The following IGLL5 variants were observed in gnomAD, a reference collection of about 807,000 sequenced individuals.
IGLL5 encodes immunoglobulin lambda like polypeptide 5.
IGLL5 carries 30 observed loss-of-function variants against 20.9 expected under a neutral mutation model. That is an observed-to-expected ratio of 1.44 (90% confidence interval 1.07 to 1.95). The LOEUF (loss-of-function observed/expected upper bound fraction) is 1.95, where lower values mean the gene tolerates loss of function less well. Ranked by LOEUF, IGLL5 falls within the 30% of genes most tolerant of loss-of-function variation. IGLL5 has a pLI of 0.00. For missense variants in IGLL5, 475 were observed against 270.7 expected (o/e 1.75, Z -5.30); for synonymous variants, 203 against 117.3 (o/e 1.73, Z -4.72).
chr22:22,895,286 C>A, intron 2 of IGLL5, 89 bp from the exon 3 acceptor site: 1 of 1,262,282 alleles, frequency 7.9e-7, no homozygotes, highest in East Asian at 2.5e-5. Context: ...ACACTGTGAA[C>A]CCTCCCAGAG....
intron 2 of IGLL5, among the ~76,000 whole-genome samples, chr22:22,894,144 C>G (rs528485645): frequency 6.6e-6 from 1 of 151,526 alleles, no homozygotes; most frequent in Admixed American, 6.6e-5. Flanking sequence ...TCCTTAGGGA[C>G]ATTGCCCAGT....
In IGLL5 at chr22:22,888,196, G is replaced by A. The variant is rs780392868; in HGVS notation, c.143G>A (p.Gly48Glu). The A allele has an allele frequency of 1.9e-6, 3 of 1,548,710 alleles. No individual in the cohort carries two copies. Among genetic ancestry groups the A allele is most frequent in the Admixed American group, 2.0e-5 (1 of 50,788 alleles). Residue 48 changes from glycine (G) to glutamate (E), a missense_variant, in exon 1 of 3, where the codon GGG becomes GAG. Transcript: ENST00000526893. ...LLRPMVAPQS[G>E]DPDPGASVGS... ...CGCCCAATGGTTGCACCGCAAAGCGGGGACCCAGACCCTGGAGCCTCAGTT... is the reference window on the plus strand; with the variant it reads ...CGCCCAATGGTTGCACCGCAAAGCGAGGACCCAGACCCTGGAGCCTCAGTT...
In IGLL5 at chr22:22,895,737, G is replaced by T. The variant is rs1411631953; in HGVS notation, c.*43G>T. The T allele has an allele frequency of 6.3e-7, 1 of 1,594,782 alleles. No individual in the cohort carries two copies. The highest frequency in any genetic ancestry group is 1.7e-5 in the Admixed American group (1 of 59,846). ...CACCCACGGGAGCCTGGAGCTGCAG[G>T]ATCCCAGGGGAGGGGTCTCTCTCCC... On this transcript the variant is annotated 3_prime_UTR_variant, in exon 3 of 3. Transcript: ENST00000526893.
Position 22,895,454 on chromosome 22 carries a change from G to C in IGLL5, c.405G>C (p.Val135=). ...TCCAAGCCAACAAGGCCACACTAGT[G>C]TGTCTGATCAGTGACTTCTACCCGG... The part of the protein sequence containing the change: ...EELQANKATL[V]CLISDFYPGA... Residue 135 remains valine (V), a synonymous_variant, in exon 3 of 3, where the codon GTG becomes GTC. Transcript: ENST00000526893. 1 of 1,612,914 alleles carries C rather than the reference G, an allele frequency of 6.2e-7. No homozygotes were observed. The highest frequency in any genetic ancestry group is 8.5e-7 in the Non-Finnish European group (1 of 1,179,564).
intron 2 of IGLL5, 72 bp downstream of exon 2, chr22:22,893,890 G>C (rs2067942538): frequency 2.9e-6 from 3 of 1,049,322 alleles, no homozygotes; most frequent in East Asian, 2.4e-5. Context: ...TTCTCTCTCT[G>C]GGGCTTCCTC....
rs183456108 is a variant in IGLL5 at position 22,888,640 on chromosome 22, C to G, written c.206+381C>G. On this transcript the variant is annotated intron_variant, in intron 1 of 2. Coordinates refer to ENST00000526893, the MANE Select transcript of IGLL5 (RefSeq NM_001178126.2). ...CCCAGGCCTGTTCCTCCCCCTCCTC[C>G]TCTCTGCCCATGTGCCTCCTGCCCA... Among the ~76,000 whole-genome samples, 16 of 151,138 alleles carry G rather than the reference C, an allele frequency of 1.1e-4. 1 individual carries two copies. The highest frequency in any genetic ancestry group is 1.0e-3 in the East Asian group (5 of 4,870).
chr22:22,890,578 TG>T, intron 1 of IGLL5, among the ~76,000 whole-genome samples: 1 of 147,366 alleles, frequency 6.8e-6, no homozygotes, highest in South Asian at 2.2e-4. Context: ...TGTGTGTGTG[TG>T]TGTGTGTGTG....
rs200591615 is a variant in IGLL5 at position 22,895,557 on chromosome 22, A to C, written c.508A>C (p.Ser170Arg). 4.6e-4 allele frequency: 750 copies of C among 1,613,054 alleles called. 2 individuals carry two copies. The highest frequency in any genetic ancestry group is 5.6e-4 in the Non-Finnish European group (657 of 1,179,738). Reference sequence around the variant, plus strand: ...GGAGACCACCAAACCCTCCAAACAGAGCAACAACAAGTACGCGGCCAGCAG... The same window carrying C: ...GGAGACCACCAAACCCTCCAAACAGCGCAACAACAAGTACGCGGCCAGCAG... ...GVETTKPSKQ[S>R]NNKYAASSYL... The change falls in exon 3 of 3, where the codon AGC (serine) becomes CGC (arginine). Residue 170 changes from serine to arginine, a missense_variant. Ser to Arg is a moderately radical substitution (Grantham distance 110). Coordinates refer to ENST00000526893, the MANE Select transcript of IGLL5 (RefSeq NM_001178126.2).
rs1055004924 is a variant in IGLL5 at position 22,888,321 on chromosome 22, C to T, written c.206+62C>T. The stretch of plus-strand genomic sequence containing the variant: ...TGCAGCAGAGCTGGGAAAGGGTGAC[C>T]AAGGGGAGACAAGCCAGAGGAGTGA... On this transcript the variant is annotated intron_variant, in intron 1 of 2. Coordinates refer to ENST00000526893, the MANE Select transcript of IGLL5 (RefSeq NM_001178126.2). 1.3e-5 allele frequency: 19 copies of T among 1,463,130 alleles called. 1 individual carries two copies. The highest frequency in any genetic ancestry group is 5.0e-5 in the East Asian group (2 of 40,076). The allele number at this position is 1,463,130 out of a possible 1,614,324, so 90.6% of individuals were successfully genotyped here.
chr22:22,895,841 T>A lies in IGLL5; in HGVS notation c.*147T>A. 1 of 804,848 alleles carries A rather than the reference T, an allele frequency of 1.2e-6. No individual in the cohort carries two copies. Among genetic ancestry groups the A allele is most frequent in the Non-Finnish European group, 2.0e-6 (1 of 488,794 alleles). The allele number at this position is 804,848 out of a possible 1,614,324, so 49.9% of individuals were successfully genotyped here. On this transcript the variant is annotated 3_prime_UTR_variant, in exon 3 of 3. Coordinates refer to ENST00000526893, the MANE Select transcript of IGLL5 (RefSeq NM_001178126.2). ...CCTCATTGACAACCAGAAATCTTGTTTTATCTCATTTTTTTTCTCACATAA... is the reference window on the plus strand; with the variant it reads ...CCTCATTGACAACCAGAAATCTTGTATTATCTCATTTTTTTTCTCACATAA...
intron 1 of IGLL5, among the ~76,000 whole-genome samples, chr22:22,891,771 A>AT (rs1167882944): frequency 6.6e-6 from 1 of 151,216 alleles, no homozygotes; most frequent in Admixed American, 6.6e-5. Flanking sequence ...GAAGTTATAA[A>AT]TTTTTTCACA....
In IGLL5 at chr22:22,895,745, G is replaced by A. The variant is rs2066754434; in HGVS notation, c.*51G>A. The A allele has an allele frequency of 6.3e-7, 1 of 1,577,592 alleles. No individual in the cohort carries two copies. The highest frequency in any genetic ancestry group is 1.1e-5 in the South Asian group (1 of 90,364). Reference sequence around the variant, plus strand: ...GGAGCCTGGAGCTGCAGGATCCCAGGGGAGGGGTCTCTCTCCCCATCCCAA... The same window carrying A: ...GGAGCCTGGAGCTGCAGGATCCCAGAGGAGGGGTCTCTCTCCCCATCCCAA... On this transcript the variant is annotated 3_prime_UTR_variant, in exon 3 of 3. Coordinates refer to ENST00000526893, the MANE Select transcript of IGLL5 (RefSeq NM_001178126.2).
intron 2 of IGLL5, 98 bp downstream of exon 2, chr22:22,893,916 G>A (rs2067947137): frequency 6.9e-6 from 6 of 865,222 alleles, no homozygotes; most frequent in Admixed American, 1.8e-5. Context: ...TGTCCTCCCA[G>A]CCTTAAGCAC....
chr22:22,890,561 GT>G (rs2146008683), intron 1 of IGLL5, among the ~76,000 whole-genome samples: 1 of 80,000 alleles, frequency 1.3e-5, no homozygotes, highest in African/African-American at 6.5e-5. Flanking sequence ...ATTTGTGTGT[GT>G]GTGTGTGTGT....
In IGLL5 at chr22:22,893,780, G is replaced by GGCC. The variant is rs769434865; in HGVS notation, c.287_288insGCC (p.Cys96delinsTrpPro). 6.2e-7 allele frequency: 1 copy of GGCC among 1,605,460 alleles called. No homozygotes were observed. Among genetic ancestry groups the GGCC allele is most frequent in the Non-Finnish European group, 8.5e-7 (1 of 1,176,136 alleles). The stretch of plus-strand genomic sequence containing the variant: ...TTTTGGTCTGAGCCTCAGTCACTGT[G>GGCC]TTATGTCTTCGGAACTGGGACCAAG... On this transcript the variant is annotated protein_altering_variant, in exon 2 of 3. Transcript: ENST00000526893.
Position 22,895,710 on chromosome 22 carries a change from C to T in IGLL5, c.*16C>T, listed in dbSNP as rs773261378. 6.2e-7 allele frequency: 1 copy of T among 1,612,472 alleles called. No homozygotes were observed. Among genetic ancestry groups the T allele is most frequent in the South Asian group, 1.1e-5 (1 of 91,018 alleles). On this transcript the variant is annotated 3_prime_UTR_variant, in exon 3 of 3. Transcript: ENST00000526893. ...ATGTTCATAGGTTCCCAACTCTAAC[C>T]CCACCCACGGGAGCCTGGAGCTGCA... is the stretch of plus-strand genomic sequence containing the variant.
chr22:22,891,952 C>T (rs1466971733), intron 1 of IGLL5, among the ~76,000 whole-genome samples: 1 of 151,002 alleles, frequency 6.6e-6, no homozygotes, highest in Admixed American at 6.6e-5. Context: ...ACACCATTTG[C>T]CAAGAACAAT....
rs150053669 is a variant in IGLL5 at position 22,888,912 on chromosome 22, G to A, written c.206+653G>A. Among the ~76,000 whole-genome samples the A allele has an allele frequency of 5.9e-5, 9 of 151,304 alleles. No homozygotes were observed. The South Asian group carries it at 6.3e-4, about 11-fold the overall frequency. ...CCAGGCTGGTCTCACAGATCGAGGG[G>A]CACTGGCTGGTGATGGGTGCCCCCA... On this transcript the variant is annotated intron_variant, in intron 1 of 2. Coordinates refer to ENST00000526893, the MANE Select transcript of IGLL5 (RefSeq NM_001178126.2).
chr22:22,890,749 T>C (rs2067818129), intron 1 of IGLL5, among the ~76,000 whole-genome samples: 1 of 151,094 alleles, frequency 6.6e-6, no homozygotes, highest in Non-Finnish European at 1.5e-5. Context: ...GTGCCTTCGC[T>C]CCTACATTCT....
Sources: allele counts gnomAD v4.1 joint callset (sites outside exome capture counted in the v4.1 genomes callset), GRCh38; gene constraint gnomAD v4.1.1; transcripts MANE v1.5; gene names NCBI Gene and HGNC (gene_info 2026-07-23, HGNC 2026-07-21).